The following VPS13D variants were observed in gnomAD, a reference collection of about 807,000 sequenced individuals.
The protein encoded by VPS13D is intermembrane lipid transfer protein VPS13D.
In VPS13D, 187 loss-of-function variants were observed where a neutral mutation model predicts 461.9. The observed-to-expected ratio is 0.40, with a 90% CI of 0.36 to 0.46. The LOEUF (loss-of-function observed/expected upper bound fraction) is 0.46. Among genes scored for constraint, VPS13D ranks in the 20% least tolerant of loss-of-function variants. VPS13D has a pLI of 0.60. For missense variants in VPS13D, 4,711 were observed against 5,364.9 expected (o/e 0.88, Z 3.81); for synonymous variants, 1,951 against 1,986.3 (o/e 0.98, Z 0.47).
chr1:12,425,769 A>G (rs1399295652), intron 65 of VPS13D, among the ~76,000 whole-genome samples: 1 of 152,118 alleles, frequency 6.6e-6, no homozygotes, highest in Non-Finnish European at 1.5e-5. Context: ...GAAAAATTAG[A>G]CTCAGACTCT....
intron 67 of VPS13D, among the ~76,000 whole-genome samples, chr1:12,475,052 A>G (rs542871503): frequency 9.2e-5 from 14 of 152,130 alleles, no homozygotes; most frequent in Non-Finnish European, 1.6e-4. Context: ...GTCCTGATGT[A>G]TTGTGCGGAA....
intron 59 of VPS13D, among the ~76,000 whole-genome samples, chr1:12,385,899 T>C (rs1363193278): frequency 2.6e-5 from 4 of 152,208 alleles, no homozygotes; most frequent in African/African-American, 9.6e-5. Flanking sequence ...ACCAAATAAT[T>C]AGATTTCTAT....
At position 12,383,044 on chromosome 1, in the gene VPS13D, G is replaced by T; in HGVS notation, c.11259G>T (p.Glu3753Asp). The part of the protein sequence containing the change: ...EVVLGPDTSM[E>D]LLGPVPPEQQ... ...TTCTTGGTCCTGACACTTCCATGGA[G>T]CTTTTGGGGCCAGTTCCACCTGAAC... The change falls in exon 58 of 70, where the codon GAG (glutamate) becomes GAT (aspartate). Residue 3753 changes from glutamate to aspartate, a missense_variant. By Grantham distance (45) the Glu-to-Asp change is conservative (BLOSUM62 2). Transcript: ENST00000620676. The T allele has an allele frequency of 6.2e-7, 1 of 1,614,140 alleles. No individual in the cohort carries two copies. The highest frequency in any genetic ancestry group is 2.2e-5 in the East Asian group (1 of 44,876).
chr1:12,260,698 A>G lies in VPS13D; in HGVS notation c.1116A>G (p.Glu372=). ...TTTTGTTTTCACCCAAACAGGAGGAAATGTGTCGGATTGAAGAGGAACAGA... is the reference window on the plus strand; with the variant it reads ...TTTTGTTTTCACCCAAACAGGAGGAGATGTGTCGGATTGAAGAGGAACAGA... The part of the protein sequence containing the change: ...GGLLSTDDKE[E]MCRIEEEQSF... The change falls in exon 11 of 70, where the codon GAA becomes GAG. Residue 372 remains glutamate (E), a synonymous_variant. Transcript: ENST00000620676. The G allele has an allele frequency of 1.9e-6, 3 of 1,614,076 alleles. No homozygotes were observed. The South Asian group carries it at 3.3e-5, about 18-fold the overall frequency.
In VPS13D at chr1:12,510,556, C is replaced by T. The variant is rs563288112; in HGVS notation, c.*1532C>T. The T allele has an allele frequency of 0.022, 2,929 of 133,254 alleles. 33 individuals are homozygous for T. Among genetic ancestry groups the T allele is most frequent in the South Asian group, 0.045 (178 of 3,954 alleles). 8.3% of individuals were successfully genotyped at this position (133,254 alleles called of 1,614,324 possible). A position where few individuals can be genotyped will look rare whatever the true frequency, so the allele number is the denominator to read the frequency against. ...GTGTGTGTGTGTGTGTGTGTGTGTG[C>T]GCGCGCGCGCGTGCATGCAGAGAGG... On this transcript the variant is annotated 3_prime_UTR_variant, in exon 70 of 70. Coordinates refer to ENST00000620676, the MANE Select transcript of VPS13D (RefSeq NM_015378.4).
chr1:12,419,163 C>T (rs1053815098), intron 65 of VPS13D, among the ~76,000 whole-genome samples: 4 of 152,194 alleles, frequency 2.6e-5, no homozygotes, highest in Admixed American at 2.0e-4. Context: ...GGCCTGGGGG[C>T]AGTGATAATA....
chr1:12,464,320 A>G (rs1645452132), intron 67 of VPS13D, among the ~76,000 whole-genome samples: 1 of 152,234 alleles, frequency 6.6e-6, no homozygotes, highest in African/African-American at 2.4e-5. Context: ...AGAACCCAAG[A>G]GTCCAAGAGT....
intron 41 of VPS13D, among the ~76,000 whole-genome samples, chr1:12,342,105 A>G (rs1051953743): frequency 6.6e-6 from 1 of 152,172 alleles, no homozygotes; most frequent in African/African-American, 2.4e-5. Context: ...TGTTTTTGGT[A>G]TACCTTATGT....
chr1:12,463,286 G>GACTT (rs1288737422), intron 67 of VPS13D, among the ~76,000 whole-genome samples: 2 of 152,196 alleles, frequency 1.3e-5, no homozygotes, highest in African/African-American at 4.8e-5. Flanking sequence ...AGAGGCAAGT[G>GACTT]GGGCAGAGGC....
Position 12,321,835 on chromosome 1 carries a change from G to A in VPS13D, c.7575G>A (p.Glu2525=). ...IEVFSCRLGN[E]HDTALSIVDP... is the part of the protein sequence containing the mutation. Reference sequence around the variant, plus strand: ...TGTTTTCATGCCGACTAGGGAATGAGCATGATACAGCTCTTTCAATTGTGG... The same window carrying A: ...TGTTTTCATGCCGACTAGGGAATGAACATGATACAGCTCTTTCAATTGTGG... The change falls in exon 33 of 70, where the codon GAG becomes GAA. Residue 2525 remains glutamate, a synonymous_variant. Transcript: ENST00000620676. The A allele has an allele frequency of 6.2e-7, 1 of 1,608,182 alleles. No individual in the cohort carries two copies.
chr1:12,462,801 T>C (rs1645429387), intron 67 of VPS13D, among the ~76,000 whole-genome samples: 1 of 152,208 alleles, frequency 6.6e-6, no homozygotes, highest in African/African-American at 2.4e-5. Context: ...ACTGCATTTT[T>C]GTCTGTCTGT....
At chr1:12,396,840 T>C (rs1026295427) in intron 60 of VPS13D, among the ~76,000 whole-genome samples, 1 of 152,242 alleles carries the variant, frequency 6.6e-6, no homozygotes, top group Non-Finnish European at 1.5e-5. Context: ...CTTGTCCTCC[T>C]TTTTTCGACC....
chr1:12,313,299 CTTT>C (rs765170972), intron 29 of VPS13D, among the ~76,000 whole-genome samples: 1 of 117,596 alleles, frequency 8.5e-6, no homozygotes, highest in Non-Finnish European at 1.8e-5. Flanking sequence ...TTATTCTTTC[CTTT>C]TTTTTTTTTT....
In VPS13D at chr1:12,279,772, C is replaced by A; in HGVS notation, c.4602+122C>A. ...TATTTTCAAAGATATATCACCCATG[C>A]ATAATACCATTGTTGAAACCTTGTT... On this transcript the variant is annotated intron_variant, in intron 20 of 69. Coordinates refer to ENST00000620676, the MANE Select transcript of VPS13D (RefSeq NM_015378.4). The surrounding 1 kb of genome is among the most constrained non-coding windows in gnomAD (Gnocchi z 4.3). 4.8e-6 allele frequency: 4 copies of A among 841,374 alleles called. No homozygotes were observed. The highest frequency in any genetic ancestry group is 1.7e-5 in the African/African-American group (1 of 57,760). 52.1% of individuals were successfully genotyped at this position (841,374 alleles called of 1,614,324 possible). A position where few individuals can be genotyped will look rare whatever the true frequency, so the allele number is the denominator to read the frequency against.
rs1643042645 is a variant in VPS13D, at chr1:12,321,714, T to C, written c.7549-95T>C. 7 of 1,354,786 alleles carry C rather than the reference T, an allele frequency of 5.2e-6. No homozygotes were observed. The South Asian group carries it at 7.4e-5, about 14-fold the overall frequency. The allele number at this position is 1,354,786 out of a possible 1,614,324, so 83.9% of individuals were successfully genotyped here. A position where few individuals can be genotyped will look rare whatever the true frequency, so the allele number is the denominator to read the frequency against. The stretch of plus-strand genomic sequence containing the variant: ...TTGTTATGGGTCTTATGATAACACA[T>C]GGCTGACTGCTTCTGAGATAGCCTC... On this transcript the variant is annotated intron_variant, in intron 32 of 69. Coordinates refer to ENST00000620676, the MANE Select transcript of VPS13D (RefSeq NM_015378.4).
intron 58 of VPS13D, among the ~76,000 whole-genome samples, chr1:12,383,691 A>G (rs1193370959): frequency 6.6e-6 from 1 of 152,196 alleles, no homozygotes; most frequent in Non-Finnish European, 1.5e-5. Context: ...GCCCTCAGTA[A>G]TAAGCATGTT....
intron 37 of VPS13D, among the ~76,000 whole-genome samples, chr1:12,332,751 T>G (rs1643361926): frequency 6.6e-6 from 1 of 152,232 alleles, no homozygotes; most frequent in African/African-American, 2.4e-5. Context: ...ATGTTGTTTA[T>G]ATAGTTTTTG....
chr1:12,465,538 A>T (rs1208594810), intron 67 of VPS13D, among the ~76,000 whole-genome samples: 1 of 152,264 alleles, frequency 6.6e-6, no homozygotes, highest in Admixed American at 6.5e-5. Flanking sequence ...GTGCACGTAG[A>T]TGTAAATTCC....
In VPS13D at chr1:12,277,886, C is replaced by A; in HGVS notation, c.4298C>A (p.Ser1433Tyr). The A allele has an allele frequency of 6.2e-7, 1 of 1,614,126 alleles. No individual in the cohort carries two copies. Among genetic ancestry groups the A allele is most frequent in the Non-Finnish European group, 8.5e-7 (1 of 1,180,030 alleles). The change falls in exon 19 of 70, where the codon TCT becomes TAT. Residue 1433 changes from serine to tyrosine, a missense_variant. Ser to Tyr is a moderately radical substitution (Grantham distance 144, BLOSUM62 -2). This residue lies in a region of VPS13D where 4,411 missense variants were observed against 4,937.8 expected (regional missense o/e 0.89). Coordinates refer to ENST00000620676, the MANE Select transcript of VPS13D (RefSeq NM_015378.4). The part of the protein sequence containing the change: ...QVEIKDIKLY[S>Y]LNCTQLAGRE... ...GAAATCAAGGACATTAAACTGTATT[C>A]TTTGAATTGCACCCAGTTGGCAGGT...
Sources: allele counts gnomAD v4.1 joint callset (sites outside exome capture counted in the v4.1 genomes callset), GRCh38; gene constraint gnomAD v4.1.1; regional missense constraint gnomAD v4.1.1; non-coding constraint Gnocchi (gnomAD v3.1); transcripts MANE v1.5; gene names NCBI Gene and HGNC (gene_info 2026-07-23, HGNC 2026-07-21).